Variants in IRAG2 observed in about 807,000 individuals in gnomAD.
The protein encoded by IRAG2 is inositol 1,4,5-triphosphate receptor associated 2.
Under a neutral mutation model 69.9 loss-of-function variants are expected in IRAG2, and 45 were observed. The ratio of observed to expected loss-of-function variants is 0.64; its 90% CI spans 0.51 to 0.83. IRAG2 has a LOEUF of 0.83. Ranked by LOEUF, IRAG2 falls within the 40% of genes least tolerant of loss-of-function variation. IRAG2 has a pLI of 0.00. For missense variants in IRAG2, 520 were observed against 587.0 expected (o/e 0.89, Z 1.18); for synonymous variants, 193 against 202.4 (o/e 0.95, Z 0.40).
intron 3 of IRAG2, among the ~76,000 whole-genome samples, chr12:25,012,643 C>T (rs1387603470): frequency 2.0e-5 from 3 of 151,994 alleles, no homozygotes; most frequent in East Asian, 1.9e-4. Flanking sequence ...GCCAGGCCAA[C>T]GTGGTGAAAC....
chr12:25,083,436 T>C lies in IRAG2; in HGVS notation c.258T>C (p.Ala86=). The change falls in exon 10 of 22, where the codon GCT becomes GCC. Residue 86 remains alanine (A), a synonymous_variant. Coordinates refer to ENST00000556887, the MANE Select transcript of IRAG2 (RefSeq NM_001366544.2). ...PTIEAQGTSP[A]HDNIAFQDST... ...TGTTTCTCACAGGCACAAGTCCAGC[T>C]CATGATAATATTGCATTCCAAGACT... 1 of 1,611,472 alleles carries C rather than the reference T, an allele frequency of 6.2e-7. No homozygotes were observed. Among genetic ancestry groups the C allele is most frequent in the Non-Finnish European group, 8.5e-7 (1 of 1,177,610 alleles).
chr12:25,043,938 G>A (rs956363199), intron 16 of IRAG2, among the ~76,000 whole-genome samples: 3 of 152,098 alleles, frequency 2.0e-5, no homozygotes, highest in Non-Finnish European at 4.4e-5. Flanking sequence ...AAAAATGCTC[G>A]TGGTCAGAAG....
intron 15 of IRAG2, among the ~76,000 whole-genome samples, chr12:25,099,923 C>T (rs1486411407): frequency 7.3e-6 from 1 of 136,058 alleles, no homozygotes; most frequent in Non-Finnish European, 1.5e-5. Context: ...TCACTTGAAC[C>T]CGGGAGGCAG....
chr12:25,028,388 T>C (rs1471966238), intron 9 of IRAG2, among the ~76,000 whole-genome samples: 2 of 152,190 alleles, frequency 1.3e-5, no homozygotes, highest in Non-Finnish European at 2.9e-5. Context: ...TAATTGTGTC[T>C]GATTTTATTT....
intron 7 of IRAG2, chr12:25,021,036 G>T: frequency 2.5e-6 from 1 of 392,998 alleles, no homozygotes; most frequent in Non-Finnish European, 4.4e-6. Context: ...CTTTAGAAAA[G>T]TAAAGGCAGG....
intron 2 of IRAG2, among the ~76,000 whole-genome samples, chr12:25,005,792 C>T (rs1023870750): frequency 2.0e-5 from 3 of 151,980 alleles, no homozygotes; most frequent in Non-Finnish European, 4.4e-5. Context: ...CCTAAAACTA[C>T]AAAAACCCTA....
chr12:25,056,558 T>C (rs1945271297), intron 1 of IRAG2, among the ~76,000 whole-genome samples: 1 of 152,224 alleles, frequency 6.6e-6, no homozygotes, highest in Non-Finnish European at 1.5e-5. Flanking sequence ...TTTGGTTAAA[T>C]GCAGTTGTTG....
chr12:25,098,479 GT>G (rs1948557288), intron 15 of IRAG2, among the ~76,000 whole-genome samples: 1 of 152,154 alleles, frequency 6.6e-6, no homozygotes, highest in African/African-American at 2.4e-5. Flanking sequence ...CCTTGCTCTT[GT>G]TCCTAAAGAT....
At chr12:25,027,388 C>CTTTTTTTTTTTCTT (rs150854134) in intron 9 of IRAG2, among the ~76,000 whole-genome samples, 1 of 111,352 alleles carries the variant, frequency 9.0e-6, no homozygotes, top group Non-Finnish European at 1.9e-5. Flanking sequence ...ATTACTACCT[C>CTTTTTTTTTTTCTT]TTTTTTTTTC....
upstream of IRAG2, among the ~76,000 whole-genome samples, chr12:25,002,956 G>T (rs1326169053): frequency 6.6e-6 from 1 of 152,082 alleles, no homozygotes; most frequent in Non-Finnish European, 1.5e-5. Flanking sequence ...GATCATTCTT[G>T]AATAGAGGGA....
At chr12:25,027,556 A>C (rs1447858600) in intron 9 of IRAG2, among the ~76,000 whole-genome samples, 1 of 151,474 alleles carries the variant, frequency 6.6e-6, no homozygotes, top group Non-Finnish European at 1.5e-5. Context: ...CACCACACCC[A>C]GCTAATTTTT....
upstream of IRAG2, among the ~76,000 whole-genome samples, chr12:25,049,436 G>A (rs1453844488): frequency 6.6e-6 from 1 of 152,084 alleles, no homozygotes; most frequent in Non-Finnish European, 1.5e-5. Context: ...GTGGTTTGTA[G>A]TTCTCCTTGA....
chr12:25,096,989 G>A lies in IRAG2; in HGVS notation c.686G>A (p.Ser229Asn). 6.2e-7 allele frequency: 1 copy of A among 1,613,774 alleles called. No individual in the cohort carries two copies. The highest frequency in any genetic ancestry group is 8.5e-7 in the Non-Finnish European group (1 of 1,179,784). ...KKLEKSIKFLSQCAARVASRA... is the reference protein window; with the variant it reads ...KKLEKSIKFLNQCAARVASRA... ...CTGGAGAAGAGTATAAAGTTTCTTAGCCAGTGTGCAGCACGAGTGGCCAGT... is the reference window on the plus strand; with the variant it reads ...CTGGAGAAGAGTATAAAGTTTCTTAACCAGTGTGCAGCACGAGTGGCCAGT... Residue 229 changes from serine (S) to asparagine (N), a missense_variant, in exon 15 of 22, where the codon AGC (serine) becomes AAC (asparagine). Ser to Asn is a conservative substitution (Grantham distance 46, BLOSUM62 1). Transcript: ENST00000556887.
chr12:25,040,510 A>C (rs1425163504), intron 16 of IRAG2, among the ~76,000 whole-genome samples: 1 of 152,166 alleles, frequency 6.6e-6, no homozygotes, highest in Non-Finnish European at 1.5e-5. Context: ...TGCCTCTTAA[A>C]AAAAAAGAGA....
intron 6 of IRAG2, chr12:25,076,465 A>C (rs1473406332): frequency 1.0e-6 from 1 of 983,366 alleles, no homozygotes; most frequent in East Asian, 1.1e-4. Context: ...GGCAAACTGT[A>C]TTTTTACTGT....
intron 5 of IRAG2, 138 bp from the exon 6 acceptor site, chr12:25,069,212 C>G: frequency 3.9e-6 from 2 of 517,890 alleles, no homozygotes; most frequent in South Asian, 3.2e-5. Context: ...TTATGTGTTA[C>G]TTAAACCATG....
Position 25,005,136 on chromosome 12 carries a change from CT to C in IRAG2, c.575-104del, listed in dbSNP as rs559332969. On this transcript the variant is annotated intron_variant, in intron 1 of 38. Transcript: ENST00000636465. ...TATTTCCCTATATCTAAGGGGAAGGCTGTTTATTATGATAGGTTTTCTTTGT... is the reference window on the plus strand; with the variant it reads ...TATTTCCCTATATCTAAGGGGAAGGCGTTTATTATGATAGGTTTTCTTTGT... 125 of 524,168 alleles carry C rather than the reference CT, an allele frequency of 2.4e-4. No homozygotes were observed. In the East Asian group the frequency reaches 4.4e-3, roughly 18 times the overall value. 32.5% of individuals were successfully genotyped at this position (524,168 alleles called of 1,614,324 possible).
chr12:25,022,429 G>A (rs1944588861), intron 7 of IRAG2, among the ~76,000 whole-genome samples: 1 of 152,180 alleles, frequency 6.6e-6, no homozygotes, highest in Admixed American at 6.5e-5. Context: ...AGGAGGTGGA[G>A]GCTGCAGTGA....
At chr12:25,082,150 G>A (rs1387340455) in intron 9 of IRAG2, among the ~76,000 whole-genome samples, 1 of 152,010 alleles carries the variant, frequency 6.6e-6, no homozygotes, top group African/African-American at 2.4e-5. Flanking sequence ...AAATATCCCT[G>A]GAAAGCTAGA....
Sources: gnomAD v4.1 joint callset for allele counts (sites outside exome capture counted in the v4.1 genomes callset) on GRCh38, gnomAD v4.1.1 for gene constraint, MANE v1.5 for transcripts, NCBI Gene and HGNC (gene_info 2026-07-23, HGNC 2026-07-21) for gene names.